Variants in TRUB1 observed in about 807,000 individuals in gnomAD.
TRUB1 encodes the protein TruB pseudouridine synthase family member 1.
In TRUB1, 23 loss-of-function variants were observed where a neutral mutation model predicts 33.9. The ratio of observed to expected loss-of-function variants is 0.68; its 90% confidence interval spans 0.49 to 0.96. The LOEUF is 0.96. Among genes scored for constraint, TRUB1 ranks in the 40% least tolerant of loss-of-function variants. The pLI is 0.00. For missense variants in TRUB1, 378 were observed against 422.2 expected (o/e 0.90, Z 0.92); for synonymous variants, 163 against 165.4 (o/e 0.99, Z 0.11).
At chr10:114,942,495 G>A in intron 1 of TRUB1, 150 bp from the exon 2 acceptor site, 1 of 511,814 alleles carries the variant, frequency 2.0e-6, no homozygotes, top group Non-Finnish European at 3.5e-6. Flanking sequence ...TTCTTTGCTA[G>A]TAATGAGGTC....
intron 3 of TRUB1, among the ~76,000 whole-genome samples, chr10:114,956,744 A>G (rs541495641): frequency 6.6e-6 from 1 of 152,202 alleles, no homozygotes; most frequent in Non-Finnish European, 1.5e-5. Context: ...GTGCAATGAC[A>G]TCATTGCTCT....
At chr10:114,952,298 A>G (rs1013114680) in intron 3 of TRUB1, among the ~76,000 whole-genome samples, 8 of 152,206 alleles carry the variant, frequency 5.3e-5, no homozygotes, top group Non-Finnish European at 1.2e-4. Context: ...AAAAGTATCC[A>G]GGCGTGGTGC....
Position 114,977,310 on chromosome 10 carries a change from G to C in TRUB1, c.*1931G>C, listed in dbSNP as rs1016506840. ...TACTTTTAAATTGACTTTTTCATTTGATATTATCTATATGTATGTAGTTGT... is the reference window on the plus strand; with the variant it reads ...TACTTTTAAATTGACTTTTTCATTTCATATTATCTATATGTATGTAGTTGT... On this transcript the variant is annotated 3_prime_UTR_variant, in exon 8 of 8. Transcript: ENST00000298746. The C allele has an allele frequency of 2.0e-5, 3 of 151,606 alleles. No homozygotes were observed. The highest frequency in any genetic ancestry group is 7.3e-5 in the African/African-American group (3 of 41,314). 9.4% of individuals were successfully genotyped at this position (151,606 alleles called of 1,614,324 possible).
At chr10:114,956,998 A>G (rs2084264317) in intron 3 of TRUB1, among the ~76,000 whole-genome samples, 1 of 152,176 alleles carries the variant, frequency 6.6e-6, no homozygotes, top group African/African-American at 2.4e-5. Context: ...ATAATTGCAG[A>G]CCCTGGAGTG....
Position 114,958,933 on chromosome 10 carries a change from C to T in TRUB1, c.442-793C>T, listed in dbSNP as rs189816637. 4.2e-3 allele frequency among the ~76,000 whole-genome samples: 631 copies of T among 151,446 alleles called. 2 individuals are homozygous for T. The highest frequency in any genetic ancestry group is 6.8e-3 in the Non-Finnish European group (464 of 67,876). ...GGTGGATCACCTGAGGTCAGAAGTT[C>T]GAGACCAGCCTGACAACATGGTGAA... On this transcript the variant is annotated intron_variant, in intron 3 of 7. Coordinates refer to ENST00000298746, the MANE Select transcript of TRUB1 (RefSeq NM_139169.5).
intron 4 of TRUB1, among the ~76,000 whole-genome samples, chr10:114,960,473 G>T (rs1022881418): frequency 1.3e-5 from 2 of 152,110 alleles, no homozygotes; most frequent in African/African-American, 4.8e-5. Context: ...TTTGTGGACT[G>T]TTTTTTTGTT....
chr10:114,959,606 T>A, intron 3 of TRUB1, 120 bp from the exon 4 acceptor site: 1 of 693,364 alleles, frequency 1.4e-6, no homozygotes, highest in Non-Finnish European at 2.6e-6. Flanking sequence ...GTCTGTTGTT[T>A]TAGCCTGTAT....
At chr10:114,948,003 A>C (rs1009656562) in intron 2 of TRUB1, among the ~76,000 whole-genome samples, 3 of 152,124 alleles carry the variant, frequency 2.0e-5, no homozygotes, top group Non-Finnish European at 4.4e-5. Context: ...TCCTAAAGAG[A>C]CTCTCATCAT....
At position 114,975,535 on chromosome 10, in the gene TRUB1, T is replaced by G. The variant is rs1300343108; in HGVS notation, c.*156T>G. ...TTTACAGTTTCAATAGCACATAATT[T>G]ATTTTCTATGCATTATAAATGGCCT... On this transcript the variant is annotated 3_prime_UTR_variant, in exon 8 of 8. Transcript: ENST00000298746. 2 of 693,340 alleles carry G rather than the reference T, an allele frequency of 2.9e-6. No individual in the cohort carries two copies. Among genetic ancestry groups the G allele is most frequent in the Admixed American group, 3.0e-5 (1 of 33,386 alleles). 42.9% of individuals were successfully genotyped at this position (693,340 alleles called of 1,614,324 possible).
At chr10:114,946,591 C>G (rs1460283023) in intron 2 of TRUB1, among the ~76,000 whole-genome samples, 3 of 152,256 alleles carry the variant, frequency 2.0e-5, no homozygotes, top group African/African-American at 7.2e-5. Flanking sequence ...ATCTGCCCAC[C>G]TCTGCCTCCC....
intron 4 of TRUB1, among the ~76,000 whole-genome samples, chr10:114,960,556 C>T (rs576562076): frequency 3.3e-4 from 50 of 152,164 alleles, no homozygotes; most frequent in Non-Finnish European, 5.6e-4. Flanking sequence ...ATCCTTATTA[C>T]GTACTGCATA....
intron 4 of TRUB1, among the ~76,000 whole-genome samples, chr10:114,964,794 C>A (rs1243468617): frequency 1.3e-5 from 2 of 151,732 alleles, no homozygotes; most frequent in East Asian, 3.9e-4. Flanking sequence ...AAAAAAAAAT[C>A]TATTTTTTTA....
Position 114,977,316 on chromosome 10 carries a change from A to G in TRUB1, c.*1937A>G, listed in dbSNP as rs1206838393. ...TAAATTGACTTTTTCATTTGATATT[A>G]TCTATATGTATGTAGTTGTGATAAT... On this transcript the variant is annotated 3_prime_UTR_variant, in exon 8 of 8. Coordinates refer to ENST00000298746, the MANE Select transcript of TRUB1 (RefSeq NM_139169.5). The G allele has an allele frequency of 6.6e-6, 1 of 152,020 alleles. No homozygotes were observed. The highest frequency in any genetic ancestry group is 1.5e-5 in the Non-Finnish European group (1 of 67,958). 9.4% of individuals were successfully genotyped at this position (152,020 alleles called of 1,614,324 possible).
Position 114,938,358 on chromosome 10 carries a change from G to C in TRUB1, c.105G>C (p.Pro35=), listed in dbSNP as rs757537120. ...CGGTCGCAGCAATGGCTGCGACCCC[G>C]TCAGCAAGGGCTGCAGCCGCGGTGG... The part of the protein sequence containing the change: ...AGTVAAMAAT[P]SARAAAAVVA... Residue 35 remains proline (P), a synonymous_variant, in exon 1 of 8, where the codon CCG becomes CCC. Coordinates refer to ENST00000298746, the MANE Select transcript of TRUB1 (RefSeq NM_139169.5). The C allele has an allele frequency of 9.9e-6, 16 of 1,610,920 alleles. No individual in the cohort carries two copies. The highest frequency in any genetic ancestry group is 1.3e-5 in the African/African-American group (1 of 74,750).
intron 4 of TRUB1, among the ~76,000 whole-genome samples, chr10:114,960,588 C>G (rs1204167821): frequency 6.6e-6 from 1 of 152,014 alleles, no homozygotes; most frequent in African/African-American, 2.4e-5. Flanking sequence ...GTGAGGCCAA[C>G]CTTTTTATTG....
At chr10:114,949,897 T>TG (rs2084226650) in intron 2 of TRUB1, among the ~76,000 whole-genome samples, 2 of 43,298 alleles carry the variant, frequency 4.6e-5, no homozygotes, top group Admixed American at 3.5e-4. Context: ...TCTTTTAAAG[T>TG]TTTTTTTTTT....
intron 4 of TRUB1, among the ~76,000 whole-genome samples, chr10:114,962,192 A>G (rs1435157479): frequency 6.6e-6 from 1 of 152,096 alleles, no homozygotes; most frequent in Non-Finnish European, 1.5e-5. Context: ...AGTAGCTGGG[A>G]CTACAGGCAT....
intron 2 of TRUB1, among the ~76,000 whole-genome samples, chr10:114,947,858 T>C (rs1283659865): frequency 6.6e-6 from 1 of 152,220 alleles, no homozygotes; most frequent in African/African-American, 2.4e-5. Flanking sequence ...TTGTTTTGTT[T>C]TTAGTTTTTA....
intron 3 of TRUB1, among the ~76,000 whole-genome samples, chr10:114,952,333 C>T (rs73372638): frequency 0.16 from 24,520 of 152,136 alleles, 4,712 homozygotes; most frequent in African/African-American, 0.46. Flanking sequence ...ACCAGCTACT[C>T]GGTAGACTGA....
Sources: allele counts gnomAD v4.1 joint callset (sites outside exome capture counted in the v4.1 genomes callset), GRCh38; gene constraint gnomAD v4.1.1; transcripts MANE v1.5; gene names NCBI Gene and HGNC (gene_info 2026-07-23, HGNC 2026-07-21).